ANKAR: variants seen among roughly 807,000 people sequenced by gnomAD.
ANKAR encodes the protein ankyrin and armadillo repeat containing, also known as ankyrin and armadillo repeat-containing protein.
ANKAR carries 136 observed loss-of-function variants against 146.2 expected under a neutral mutation model. The ratio of observed to expected loss-of-function variants is 0.93; its 90% CI spans 0.81 to 1.07. The LOEUF is 1.07. Ranked by LOEUF, ANKAR falls within the 50% of genes least tolerant of loss-of-function variation. The pLI is 0.00. For synonymous variants in ANKAR, 500 were observed against 575.8 expected (o/e 0.87, Z 1.88); for missense variants, 1,567 against 1,679.9 (o/e 0.93, Z 1.18).
At chr2:189,709,318 AAATC>A (rs2039386265) in intron 9 of ANKAR, among the ~76,000 whole-genome samples, 4 of 152,344 alleles carry the variant, frequency 2.6e-5, no homozygotes, top group African/African-American at 4.8e-5. Context: ...AATGAAGTCT[AAATC>A]AATGTAGCAA....
At chr2:189,685,217 C>T (rs2035383551) in intron 2 of ANKAR, among the ~76,000 whole-genome samples, 1 of 151,680 alleles carries the variant, frequency 6.6e-6, no homozygotes. Flanking sequence ...CCGGCTGGGA[C>T]ATTTCCTTTC....
chr2:189,734,319 CAAT>C (rs903909899), intron 17 of ANKAR, among the ~76,000 whole-genome samples: 3 of 152,150 alleles, frequency 2.0e-5, no homozygotes, highest in African/African-American at 7.2e-5. Flanking sequence ...ATTGATGCAA[CAAT>C]AATAAATGTA....
chr2:189,691,631 G>A (rs2036416711), intron 3 of ANKAR, among the ~76,000 whole-genome samples: 1 of 151,030 alleles, frequency 6.6e-6, no homozygotes, highest in Admixed American at 6.6e-5. Flanking sequence ...CTTTTGAAAT[G>A]TCTGTACAAT....
At chr2:189,685,159 C>G (rs2035364876) in intron 2 of ANKAR, among the ~76,000 whole-genome samples, 1 of 152,076 alleles carries the variant, frequency 6.6e-6, no homozygotes, top group Admixed American at 6.5e-5. Context: ...GAACTTGCCA[C>G]CATGCCCAGC....
chr2:189,726,451 A>G (rs2041887830), intron 12 of ANKAR, among the ~76,000 whole-genome samples: 1 of 152,124 alleles, frequency 6.6e-6, no homozygotes, highest in Non-Finnish European at 1.5e-5. Flanking sequence ...CCAAGCCATA[A>G]TGTCACTTTA....
chr2:189,736,810 T>C (rs995151276), intron 17 of ANKAR, among the ~76,000 whole-genome samples: 5 of 151,970 alleles, frequency 3.3e-5, no homozygotes, highest in Admixed American at 1.3e-4. Flanking sequence ...TGGTGGTTCA[T>C]GTCTGTAATC....
rs1268345682 is a variant in ANKAR at position 189,693,171 on chromosome 2, GA to G, written c.1306del (p.Ser436AlafsTer4). The G allele has an allele frequency of 5.8e-6, 9 of 1,547,122 alleles. No homozygotes were observed. Among genetic ancestry groups the G allele is most frequent in the Admixed American group, 3.9e-5 (2 of 50,652 alleles). On this transcript the variant is annotated frameshift_variant, in exon 5 of 23. Transcript: ENST00000684021. LOFTEE classifies it high-confidence loss of function. ...YYSIPVMEFH[G>X]KSYYVIYFEL... The stretch of plus-strand genomic sequence containing the variant: ...TCAATACCAGTCATGGAATTTCATG[GA>G]AAAAGGTACGGAGCTTTCACTAATT...
intron 6 of ANKAR, among the ~76,000 whole-genome samples, 171 bp downstream of exon 6, chr2:189,695,332 T>A (rs1164060523): frequency 6.6e-6 from 1 of 152,268 alleles, no homozygotes; most frequent in Non-Finnish European, 1.5e-5. Context: ...ATTATAAATT[T>A]CTGGCAGAGT....
intron 9 of ANKAR, 80 bp from the exon 10 acceptor site, chr2:189,710,968 GC>G: frequency 8.4e-7 from 1 of 1,191,726 alleles, no homozygotes; most frequent in Non-Finnish European, 1.2e-6. Flanking sequence ...GTTTTATTTA[GC>G]TGGTACAAAA....
At chr2:189,736,792 G>T (rs2042895784) in intron 17 of ANKAR, among the ~76,000 whole-genome samples, 1 of 151,834 alleles carries the variant, frequency 6.6e-6, no homozygotes, top group Admixed American at 6.6e-5. Flanking sequence ...AAAATTCAGG[G>T]CCAGGTGTGG....
chr2:189,712,854 A>T (rs1439655959), intron 10 of ANKAR, among the ~76,000 whole-genome samples: 1 of 152,224 alleles, frequency 6.6e-6, no homozygotes, highest in Non-Finnish European at 1.5e-5. Flanking sequence ...CGAACCCATC[A>T]CAAGGAAGCT....
chr2:189,715,257 A>G lies in ANKAR; in HGVS notation c.2224+4104A>G, dbSNP rs531725365. On this transcript the variant is annotated intron_variant, in intron 10 of 22. Transcript: ENST00000684021. Reference sequence around the variant, plus strand: ...CACAAGAAAAAATGATAAAGGGGATATCACTACCAACCCCACAGAAATACA... The same window carrying G: ...CACAAGAAAAAATGATAAAGGGGATGTCACTACCAACCCCACAGAAATACA... Among the ~76,000 whole-genome samples, 3 of 152,328 alleles carry G rather than the reference A, an allele frequency of 2.0e-5. No individual in the cohort carries two copies. In the East Asian group the frequency reaches 5.8e-4, roughly 29 times the overall value.
chr2:189,693,734 A>G (rs1479921335), intron 5 of ANKAR, among the ~76,000 whole-genome samples: 1 of 151,516 alleles, frequency 6.6e-6, no homozygotes, highest in Non-Finnish European at 1.5e-5. Context: ...CACCAGAGTA[A>G]GACCCTATCT....
At chr2:189,692,495 G>C in intron 4 of ANKAR, 77 bp downstream of exon 4, 1 of 1,329,912 alleles carries the variant, frequency 7.5e-7, no homozygotes, top group Non-Finnish European at 1.0e-6. Context: ...AAGAGCCTCT[G>C]TTGGTACAGG....
At chr2:189,700,648 T>C (rs1257255651) in intron 7 of ANKAR, among the ~76,000 whole-genome samples, 1 of 152,218 alleles carries the variant, frequency 6.6e-6, no homozygotes, top group Non-Finnish European at 1.5e-5. Flanking sequence ...CTATTCTTTC[T>C]ATTTTGTACC....
At chr2:189,746,290 T>C (rs1473713681) in intron 22 of ANKAR, 90 bp from the exon 23 acceptor site, 36 of 1,401,240 alleles carry the variant, frequency 2.6e-5, no homozygotes, top group Non-Finnish European at 3.4e-5. Context: ...GTTTTAGTTA[T>C]GTAAAGAAAA....
At chr2:189,746,277 T>C (rs972023704) in intron 22 of ANKAR, 103 bp from the exon 23 acceptor site, 15 of 1,327,574 alleles carry the variant, frequency 1.1e-5, no homozygotes, top group Non-Finnish European at 1.5e-5. Flanking sequence ...GTTCTCTTAG[T>C]ATGTTTTAGT....
rs1160235916 is a variant in ANKAR at position 189,676,940 on chromosome 2, T to G, written c.450T>G (p.Ile150Met). ...GAATTGGGCAAATTCTGATCAATAT[T>G]GACTACATGCTGAAAGCACTATGGC... The part of the protein sequence containing the change: ...DTRIGQILIN[I>M]DYMLKALWHG... Residue 150 changes from isoleucine to methionine, a missense_variant, in exon 2 of 23, where the codon ATT becomes ATG. Physicochemically the swap from Ile to Met is conservative, Grantham distance 10. Transcript: ENST00000684021. The G allele has an allele frequency of 6.2e-7, 1 of 1,614,130 alleles. No individual in the cohort carries two copies.
intron 9 of ANKAR, 100 bp from the exon 10 acceptor site, chr2:189,710,949 C>T (rs1488776786): frequency 3.1e-6 from 3 of 952,508 alleles, no homozygotes; most frequent in South Asian, 3.0e-5. Flanking sequence ...GTGGTGACCT[C>T]AACTGTTGGT....
Sources: gnomAD v4.1 joint callset for allele counts (sites outside exome capture counted in the v4.1 genomes callset) on GRCh38, gnomAD v4.1.1 for gene constraint, MANE v1.5 for transcripts, NCBI Gene and HGNC (gene_info 2026-07-23, HGNC 2026-07-21) for gene names.